Variants in FAR1 observed in about 807,000 individuals in gnomAD.
FAR1 encodes male sterility domain-containing protein 2.
Under a neutral mutation model 61.1 loss-of-function variants are expected in FAR1, and 22 were observed. That is an observed-to-expected ratio of 0.36 (90% confidence interval 0.26 to 0.51). The LOEUF (loss-of-function observed/expected upper bound fraction) is 0.51, where lower values mean the gene tolerates loss of function less well. Among genes scored for constraint, FAR1 ranks in the 20% least tolerant of loss-of-function variants. The pLI, the probability that FAR1 is intolerant of heterozygous loss-of-function variation, is 0.95. For missense variants in FAR1, 359 were observed against 626.9 expected (o/e 0.57, Z 4.56); for synonymous variants, 206 against 209.7 (o/e 0.98, Z 0.15).
At chr11:13,688,360 T>G (rs1008582146) in intron 1 of FAR1, among the ~76,000 whole-genome samples, 20 of 152,176 alleles carry the variant, frequency 1.3e-4, no homozygotes, top group African/African-American at 4.8e-4. Context: ...CAATCTTTAT[T>G]CTGTTAGGCT....
At chr11:13,710,899 CTG>C (rs1328417834) in intron 5 of FAR1, 29 bp downstream of exon 5, 1 of 1,586,466 alleles carries the variant, frequency 6.3e-7, no homozygotes, top group Non-Finnish European at 8.6e-7. Context: ...TTATAAATAA[CTG>C]GAGTTGAGAA....
intron 2 of FAR1, among the ~76,000 whole-genome samples, chr11:13,695,270 GATAATA>G (rs897346616): frequency 6.6e-6 from 1 of 152,092 alleles, no homozygotes; most frequent in African/African-American, 2.4e-5. Context: ...AAATAGCCTT[GATAATA>G]ATAGTAATTA....
At chr11:13,673,184 T>G (rs1231285791) in intron 1 of FAR1, among the ~76,000 whole-genome samples, 1 of 152,226 alleles carries the variant, frequency 6.6e-6, no homozygotes, top group Non-Finnish European at 1.5e-5. Context: ...CAATAGGATT[T>G]GCCCTAGGAT....
At chr11:13,712,924 G>A (rs773888411) in intron 7 of FAR1, 42 bp from the exon 8 acceptor site, 14 of 1,523,504 alleles carry the variant, frequency 9.2e-6, no homozygotes, top group Non-Finnish European at 1.1e-5. Context: ...GATATGTTTG[G>A]CCTCTTATTA....
chr11:13,675,619 C>T (rs1848059642), intron 1 of FAR1, among the ~76,000 whole-genome samples: 1 of 152,152 alleles, frequency 6.6e-6, no homozygotes, highest in Admixed American at 6.5e-5. Flanking sequence ...TTTTTTGGCA[C>T]GTTCTGTTAA....
intron 1 of FAR1, among the ~76,000 whole-genome samples, chr11:13,688,160 G>A (rs562000689): frequency 6.6e-6 from 1 of 151,688 alleles, no homozygotes; most frequent in East Asian, 1.9e-4. Context: ...AAAATAAAAT[G>A]AGTCTCTTGT....
intron 3 of FAR1, among the ~76,000 whole-genome samples, chr11:13,705,956 T>C (rs1016793267): frequency 1.6e-4 from 24 of 152,204 alleles, no homozygotes; most frequent in Non-Finnish European, 2.9e-5. Context: ...AAAGCACTGC[T>C]TCACTTTACA....
Position 13,700,413 on chromosome 11 carries a change from G to A in FAR1, c.286G>A (p.Glu96Lys), listed in dbSNP as rs12793516. ...CCAACCTAAACTGGCTCTCAGTGAA[G>A]AAGATAAAGAGGTGATCATAGATTC... ...LTQPKLALSE[E>K]DKEVIIDSTN... Residue 96 changes from glutamate to lysine, a missense_variant, in exon 3 of 12, where the codon GAA becomes AAA. Coordinates refer to ENST00000354817, the MANE Select transcript of FAR1 (RefSeq NM_032228.6). 4.2e-3 allele frequency: 6,714 copies of A among 1,600,088 alleles called. 20 individuals are homozygous for A. Among genetic ancestry groups the A allele is most frequent in the Admixed American group, 5.6e-3 (318 of 57,174 alleles).
chr11:13,670,800 G>A (rs1311883218), intron 1 of FAR1, among the ~76,000 whole-genome samples: 1 of 151,702 alleles, frequency 6.6e-6, no homozygotes, highest in African/African-American at 2.4e-5. Flanking sequence ...TTTATTTATG[G>A]GGTGTGGATA....
Position 13,709,252 on chromosome 11 carries a change from T to TA in FAR1, c.545+1181dup, listed in dbSNP as rs200467177. On this transcript the variant is annotated intron_variant, in intron 4 of 11. Transcript: ENST00000354817. ...CTAATATGAGGAAACAGATAGATTG[T>TA]AAAAAAAATGAGAAATTACCAAGAC... Among the ~76,000 whole-genome samples, 1,232 of 152,064 alleles carry TA rather than the reference T, an allele frequency of 8.1e-3. 22 individuals carry two copies. The highest frequency in any genetic ancestry group is 0.028 in the African/African-American group (1,147 of 41,486).
chr11:13,721,722 C>G lies in FAR1; in HGVS notation c.1128-8C>G. The stretch of plus-strand genomic sequence containing the variant: ...AATATGAATCTGTCCATTTTTCTTA[C>G]AATACAGGATGATGAAAACAATAAC... On this transcript the variant is annotated splice_polypyrimidine_tract_variant and splice_region_variant and intron_variant, in intron 9 of 11. Coordinates refer to ENST00000354817, the MANE Select transcript of FAR1 (RefSeq NM_032228.6). The surrounding 1 kb of genome is among the most constrained non-coding windows in gnomAD (Gnocchi z 4.2). The G allele has an allele frequency of 6.2e-7, 1 of 1,605,090 alleles. No individual in the cohort carries two copies. Among genetic ancestry groups the G allele is most frequent in the Non-Finnish European group, 8.5e-7 (1 of 1,176,922 alleles).
chr11:13,700,283 CT>C (rs1848356073), intron 2 of FAR1, 33 bp from the exon 3 acceptor site: 1 of 1,453,130 alleles, frequency 6.9e-7, no homozygotes, highest in Non-Finnish European at 9.3e-7. Context: ...TGGAAAAATA[CT>C]GCTGTAAAAT....
At chr11:13,716,017 T>TG (rs1189528671) in intron 9 of FAR1, among the ~76,000 whole-genome samples, 7 of 152,218 alleles carry the variant, frequency 4.6e-5, no homozygotes, top group Non-Finnish European at 8.8e-5. Context: ...TGAGAGGTGT[T>TG]GAACAACTTT....
At chr11:13,700,294 TA>T (rs1430080104) in intron 2 of FAR1, 22 bp from the exon 3 acceptor site, 7 of 1,537,318 alleles carry the variant, frequency 4.6e-6, no homozygotes, top group Non-Finnish European at 6.1e-6. Context: ...TGCTGTAAAA[TA>T]AATATTTTTC....
chr11:13,694,074 A>C (rs1490373332), intron 1 of FAR1, among the ~76,000 whole-genome samples: 2 of 152,150 alleles, frequency 1.3e-5, no homozygotes, highest in African/African-American at 2.4e-5. Context: ...ATAATACATG[A>C]ATTCTTCTGC....
intron 4 of FAR1, 139 bp from the exon 5 acceptor site, chr11:13,710,554 G>C (rs1242549871): frequency 1.5e-6 from 1 of 669,190 alleles, no homozygotes; most frequent in African/African-American, 1.9e-5. Flanking sequence ...ATAAGACTAA[G>C]TTCCATTTTT....
At position 13,721,817 on chromosome 11, in the gene FAR1, T is replaced by C; in HGVS notation, c.1215T>C (p.Asn405=). ...TSNSWVWNTE[N]VNMLMNQLNP... ...ATTCTTGGGTTTGGAATACTGAGAA[T>C]GTCAATATGTTAATGAATCAACTAA... The change falls in exon 10 of 12, where the codon AAT becomes AAC. Residue 405 remains asparagine (N), a synonymous_variant. Transcript: ENST00000354817. This position sits in a 1 kb window ranked among gnomAD's most constrained non-coding sequence, Gnocchi z 4.2. 2 of 1,610,782 alleles carry C rather than the reference T, an allele frequency of 1.2e-6. No homozygotes were observed. Among genetic ancestry groups the C allele is most frequent in the Non-Finnish European group, 1.7e-6 (2 of 1,178,442 alleles).
intron 1 of FAR1, among the ~76,000 whole-genome samples, chr11:13,677,682 T>C (rs988476759): frequency 6.6e-6 from 1 of 152,222 alleles, no homozygotes; most frequent in African/African-American, 2.4e-5. Context: ...GTGAGGACCC[T>C]TAGAACAGTG....
chr11:13,708,728 C>T (rs12792918), intron 4 of FAR1, among the ~76,000 whole-genome samples: 1 of 151,934 alleles, frequency 6.6e-6, no homozygotes, highest in Non-Finnish European at 1.5e-5. Flanking sequence ...TAGCAAGGCT[C>T]TAATTTATCA....
Sources: gnomAD v4.1 joint callset for allele counts (sites outside exome capture counted in the v4.1 genomes callset) on GRCh38, gnomAD v4.1.1 for gene constraint, Gnocchi (gnomAD v3.1) non-coding constraint, MANE v1.5 for transcripts, NCBI Gene and HGNC (gene_info 2026-07-23, HGNC 2026-07-21) for gene names.